EIF2S3: variants seen among roughly 807,000 people sequenced by gnomAD.
EIF2S3 encodes the protein eukaryotic translation initiation factor 2 subunit 3.
EIF2S3 carries 2 observed loss-of-function variants against 31.7 expected under a neutral mutation model. That is an observed-to-expected ratio of 0.06 (90% confidence interval 0.03 to 0.20). The LOEUF (loss-of-function observed/expected upper bound fraction) is 0.20, where lower values mean the gene tolerates loss of function less well. Ranked by LOEUF, EIF2S3 falls within the 10% of genes least tolerant of loss-of-function variation. EIF2S3 has a pLI of 1.00. For synonymous variants in EIF2S3, 120 were observed against 126.7 expected, an observed-to-expected ratio of 0.95 and a Z score of 0.36; for missense variants, 96 against 359.3, an observed-to-expected ratio of 0.27 and a Z score of 5.92.
At chrX:24,073,407 C>A in intron 11 of EIF2S3, 144 bp downstream of exon 11, 1 of 843,112 alleles carries the variant, frequency 1.2e-6, no homozygotes, top group Admixed American at 3.8e-5. Context: ...GAAAACTATA[C>A]TTCGGCCGGG....
intron 6 of EIF2S3, 122 bp from the exon 7 acceptor site, chrX:24,064,079 C>A (rs1335782995): frequency 1.6e-6 from 1 of 615,403 alleles, no homozygotes; most frequent in Non-Finnish European, 2.2e-6. Flanking sequence ...TTGTTGCTGA[C>A]ATTTATATGG....
intron 2 of EIF2S3, 118 bp from the exon 3 acceptor site, chrX:24,057,303 A>T: frequency 1.1e-6 from 1 of 927,741 alleles, no homozygotes; most frequent in Non-Finnish European, 1.5e-6. Flanking sequence ...TGCTGGGATT[A>T]CTGGCGTGAG....
chrX:24,069,329 A>G (rs1481209034), intron 9 of EIF2S3, among the ~76,000 whole-genome samples: 1 of 104,246 alleles, frequency 9.6e-6, no homozygotes, highest in African/African-American at 3.5e-5. Context: ...GTGAGCCGAG[A>G]TCACACCAGT....
At chrX:24,060,263 T>G in intron 5 of EIF2S3, 81 bp downstream of exon 5, 1 of 838,972 alleles carries the variant, frequency 1.2e-6, no homozygotes, top group Non-Finnish European at 1.8e-6. Context: ...CTAAGGCCTT[T>G]AAGGATCATA....
chrX:24,063,836 A>G (rs1170957180), intron 6 of EIF2S3, among the ~76,000 whole-genome samples: 3 of 111,606 alleles, frequency 2.7e-5, no homozygotes, highest in Non-Finnish European at 5.6e-5. Flanking sequence ...TTTTATCTTG[A>G]CATTTATTGG....
At position 24,057,891 on chromosome X, in the gene EIF2S3, A is replaced by C. The variant is rs1930428484; in HGVS notation, c.383+137A>C. ...TTGTTTTTCCATTGTTTATGTTTTTATGGGAAATCTGAAAAGTCAAGCATC... is the reference window on the plus strand; with the variant it reads ...TTGTTTTTCCATTGTTTATGTTTTTCTGGGAAATCTGAAAAGTCAAGCATC... On this transcript the variant is annotated intron_variant, in intron 4 of 11. Coordinates refer to ENST00000253039, the MANE Select transcript of EIF2S3 (RefSeq NM_001415.4). The C allele has an allele frequency of 5.2e-6, 4 of 769,230 alleles. No homozygotes were observed. In the South Asian group the frequency reaches 1.9e-4, roughly 37 times the overall value. 63.4% of individuals were successfully genotyped at this position (769,230 alleles called of 1,213,427 possible).
Position 24,067,968 on chromosome X carries a change from G to A in EIF2S3, c.872G>A (p.Gly291Asp). 1 of 1,191,944 alleles carries A rather than the reference G, an allele frequency of 8.4e-7. No individual in the cohort carries two copies. The highest frequency in any genetic ancestry group is 1.8e-5 in the South Asian group (1 of 54,211). The stretch of plus-strand genomic sequence containing the variant: ...TTACTAATTATATGTTTACAGGTGG[G>A]CCAGGAGATAGAAGTAAGACCTGGT... ...GSILKGVLKV[G>D]QEIEVRPGIV... The change falls in exon 9 of 12, where the codon GGC (glycine) becomes GAC (aspartate). Residue 291 changes from glycine (G) to aspartate (D), a missense_variant. Physicochemically the swap from Gly to Asp is moderately conservative, Grantham distance 94. Coordinates refer to ENST00000253039, the MANE Select transcript of EIF2S3 (RefSeq NM_001415.4).
intron 6 of EIF2S3, among the ~76,000 whole-genome samples, chrX:24,062,950 CTCTAGAG>C (rs746207695): frequency 6.6e-3 from 736 of 112,260 alleles, no homozygotes; most frequent in Admixed American, 0.011. Context: ...ATTATTTAAT[CTCTAGAG>C]TGTCGGCCGG....
In EIF2S3 at chrX:24,076,923, TCTC is replaced by T. The variant is rs372625244; in HGVS notation, c.*139_*141del. On this transcript the variant is annotated 3_prime_UTR_variant, in exon 12 of 12. Coordinates refer to ENST00000253039, the MANE Select transcript of EIF2S3 (RefSeq NM_001415.4). Reference sequence around the variant, plus strand: ...CCTTAGTAGGTAACGGTAAGGTTATTCTCTTTTTTTTTTTTTTTTTTTTTGGTT... The same window carrying T: ...CCTTAGTAGGTAACGGTAAGGTTATTTTTTTTTTTTTTTTTTTTTTTGGTT... The T allele has an allele frequency of 6.1e-5, 13 of 214,393 alleles. No homozygotes were observed. The highest frequency in any genetic ancestry group is 1.6e-4 in the South Asian group (1 of 6,264). The allele number at this position is 214,393 out of a possible 1,213,427, so 17.7% of individuals were successfully genotyped here. A position where few individuals can be genotyped will look rare whatever the true frequency, so the allele number is the denominator to read the frequency against.
Position 24,076,926 on chromosome X carries a change from C to CTTTTTTTTTTTTTTTTT in EIF2S3, c.*146_*162dup, listed in dbSNP as rs879230822. The CTTTTTTTTTTTTTTTTT allele has an allele frequency of 1.3e-5, 2 of 153,408 alleles. No individual in the cohort carries two copies. Among genetic ancestry groups the CTTTTTTTTTTTTTTTTT allele is most frequent in the African/African-American group, 5.6e-5 (1 of 17,794 alleles). The allele number at this position is 153,408 out of a possible 1,213,427, so 12.6% of individuals were successfully genotyped here. On this transcript the variant is annotated 3_prime_UTR_variant, in exon 12 of 12. Coordinates refer to ENST00000253039, the MANE Select transcript of EIF2S3 (RefSeq NM_001415.4). ...TAGTAGGTAACGGTAAGGTTATTCTCTTTTTTTTTTTTTTTTTTTTTGGTT... is the reference window on the plus strand; with the variant it reads ...TAGTAGGTAACGGTAAGGTTATTCTCTTTTTTTTTTTTTTTTTTTTTTTTTTTTTTTTTTTTTTGGTT...
At position 24,078,787 on chromosome X, in the gene EIF2S3, T is replaced by C. The variant is rs1267538844; in HGVS notation, c.*2002T>C. Reference sequence around the variant, plus strand: ...TGTGTTGTAGCATGAGGAACACAAATAAAACAATTCTAAATCAAACTAATT... The same window carrying C: ...TGTGTTGTAGCATGAGGAACACAAACAAAACAATTCTAAATCAAACTAATT... On this transcript the variant is annotated 3_prime_UTR_variant, in exon 12 of 12. Transcript: ENST00000253039. 8.9e-6 allele frequency among the ~76,000 whole-genome samples: 1 copy of C among 112,163 alleles called. No homozygotes were observed. The highest frequency in any genetic ancestry group is 1.9e-5 in the Non-Finnish European group (1 of 53,310).
intron 9 of EIF2S3, among the ~76,000 whole-genome samples, chrX:24,069,686 C>CTTTTTT (rs754589833): frequency 2.0e-4 from 12 of 60,979 alleles, no homozygotes; most frequent in Non-Finnish European, 2.5e-4. Flanking sequence ...TTTTTAATTT[C>CTTTTTT]TTTTTTTTTT....
chrX:24,068,238 C>T, intron 9 of EIF2S3, 130 bp downstream of exon 9: 1 of 624,775 alleles, frequency 1.6e-6, no homozygotes, highest in Non-Finnish European at 2.3e-6. Flanking sequence ...GGGTGGGGAA[C>T]AATCATGTGG....
intron 2 of EIF2S3, among the ~76,000 whole-genome samples, chrX:24,057,024 GTATTTATT>G (rs56885833): frequency 2.6e-4 from 28 of 107,905 alleles, no homozygotes; most frequent in Non-Finnish European, 3.7e-4. Flanking sequence ...GGCTTTAATT[GTATTTATT>G]TATTTATTTA....
rs747088489 is a variant in EIF2S3 at position 24,076,924 on chromosome X, C to CT, written c.*140dup. On this transcript the variant is annotated 3_prime_UTR_variant, in exon 12 of 12. Transcript: ENST00000253039. ...CTTAGTAGGTAACGGTAAGGTTATTCTCTTTTTTTTTTTTTTTTTTTTTGG... is the reference window on the plus strand; with the variant it reads ...CTTAGTAGGTAACGGTAAGGTTATTCTTCTTTTTTTTTTTTTTTTTTTTTGG... 4,805 of 114,154 alleles carry CT rather than the reference C, an allele frequency of 0.042. 56 individuals carry two copies. Among genetic ancestry groups the CT allele is most frequent in the Non-Finnish European group, 0.05 (3,534 of 70,769 alleles). The allele number at this position is 114,154 out of a possible 1,213,427, so 9.4% of individuals were successfully genotyped here.
Position 24,078,747 on chromosome X carries a change from G to A in EIF2S3, c.*1962G>A, listed in dbSNP as rs1192501864. On this transcript the variant is annotated 3_prime_UTR_variant, in exon 12 of 12. Transcript: ENST00000253039. ...GAAGCATATTAATGTTATAAACTTC[G>A]CTGACTTTGAAGGTTGTGTTGTAGC... Among the ~76,000 whole-genome samples, 1 of 111,954 alleles carries A rather than the reference G, an allele frequency of 8.9e-6. No individual in the cohort carries two copies. The highest frequency in any genetic ancestry group is 3.2e-5 in the African/African-American group (1 of 30,857).
chrX:24,055,438 A>C (rs1211342940), intron 1 of EIF2S3, among the ~76,000 whole-genome samples, 177 bp from the exon 2 acceptor site: 1 of 111,521 alleles, frequency 9.0e-6, no homozygotes, highest in African/African-American at 3.3e-5. Context: ...TGTAATGATG[A>C]AGGGCTCTTA....
At chrX:24,067,930 A>G (rs367853187) in intron 8 of EIF2S3, 34 bp from the exon 9 acceptor site, 4 of 1,142,353 alleles carry the variant, frequency 3.5e-6, no homozygotes, top group Non-Finnish European at 4.7e-6. Flanking sequence ...TTTGCGTAAC[A>G]CAGTAATTCT....
rs761514205 is a variant in EIF2S3, at chrX:24,071,540, CA to C, written c.1013-17del. On this transcript the variant is annotated splice_polypyrimidine_tract_variant and intron_variant, in intron 9 of 11. Transcript: ENST00000253039. Reference sequence around the variant, plus strand: ...AGGAAATAAAAAATTGAGCTATATACATCTTATTTTTATATAGGAGTTGGAA... The same window carrying C: ...AGGAAATAAAAAATTGAGCTATATACTCTTATTTTTATATAGGAGTTGGAA... 4.1e-5 allele frequency: 49 copies of C among 1,198,236 alleles called. No individual in the cohort carries two copies. Among genetic ancestry groups the C allele is most frequent in the Non-Finnish European group, 5.4e-5 (48 of 890,600 alleles).
Sources: allele counts gnomAD v4.1 joint callset (sites outside exome capture counted in the v4.1 genomes callset), GRCh38; gene constraint gnomAD v4.1.1; transcripts MANE v1.5; gene names NCBI Gene and HGNC (gene_info 2026-07-23, HGNC 2026-07-21).